The following NRXN3 variants were observed in gnomAD, a reference collection of about 807,000 sequenced individuals.
The protein encoded by NRXN3 is neurexin 3, also known as neurexin III.
Under a neutral mutation model 137.6 loss-of-function variants are expected in NRXN3, and 32 were observed. That is an observed-to-expected ratio of 0.23 (90% confidence interval 0.18 to 0.31). NRXN3 has a LOEUF of 0.31. NRXN3 is among the 10% of genes least tolerant of loss of function. NRXN3 has a pLI of 1.00. For missense variants in NRXN3, 1,574 were observed against 2,062.5 expected, an observed-to-expected ratio of 0.76 and a Z score of 4.59; for synonymous variants, 798 against 784.5, an observed-to-expected ratio of 1.02 and a Z score of -0.29.
chr14:79,649,294 G>C (rs2098464911), intron 16 of NRXN3, among the ~76,000 whole-genome samples: 1 of 152,118 alleles, frequency 6.6e-6, no homozygotes, highest in African/African-American at 2.4e-5. Flanking sequence ...CCAGGATCCG[G>C]GGTAAGTGCC....
chr14:78,402,377 T>C (rs1345314597), intron 4 of NRXN3, among the ~76,000 whole-genome samples: 2 of 152,242 alleles, frequency 1.3e-5, no homozygotes, highest in Non-Finnish European at 2.9e-5. Flanking sequence ...GGGTCTTTTA[T>C]TGAATATATA....
intron 15 of NRXN3, among the ~76,000 whole-genome samples, chr14:79,024,457 A>C (rs1042518624): frequency 2.6e-5 from 4 of 152,202 alleles, no homozygotes; most frequent in African/African-American, 9.6e-5. Context: ...TATCACATCC[A>C]CATATTCCAT....
chr14:78,855,552 TG>T (rs984905192), intron 10 of NRXN3, among the ~76,000 whole-genome samples: 4 of 152,256 alleles, frequency 2.6e-5, no homozygotes, highest in Admixed American at 2.6e-4. Flanking sequence ...TCTAAAAGGG[TG>T]GCATTTACTG....
intron 19 of NRXN3, among the ~76,000 whole-genome samples, chr14:79,769,738 A>G (rs1413196368): frequency 6.6e-6 from 1 of 152,158 alleles, no homozygotes; most frequent in African/African-American, 2.4e-5. Context: ...TAACCAGCTA[A>G]CATCATAACG....
chr14:78,518,892 G>T lies in NRXN3; in HGVS notation c.758-126228G>T, dbSNP rs115492179. On this transcript the variant is annotated intron_variant, in intron 4 of 20. Coordinates refer to ENST00000335750, the MANE Select transcript of NRXN3 (RefSeq NM_001330195.2). The stretch of plus-strand genomic sequence containing the variant: ...TGATGGGTTGTCCCATTTGATCACT[G>T]TGGATTTCCTCTCTGTGATATCTTC... 7.3e-3 allele frequency among the ~76,000 whole-genome samples: 1,115 copies of T among 151,958 alleles called. 20 individuals are homozygous for T. The highest frequency in any genetic ancestry group is 0.026 in the African/African-American group (1,069 of 41,436).
intron 16 of NRXN3, among the ~76,000 whole-genome samples, chr14:79,574,224 A>C (rs899814678): frequency 1.5e-4 from 23 of 149,034 alleles, no homozygotes; most frequent in African/African-American, 1.2e-4. Flanking sequence ...GCATGCACCC[A>C]CACACACACA....
chr14:79,283,211 C>T (rs1012241246), intron 15 of NRXN3, among the ~76,000 whole-genome samples: 2 of 152,230 alleles, frequency 1.3e-5, no homozygotes, highest in South Asian at 4.1e-4. Context: ...TTAAAGGCAG[C>T]ACTCTCTGTT....
intron 15 of NRXN3, among the ~76,000 whole-genome samples, chr14:79,337,117 T>G (rs915241222): frequency 1.3e-5 from 2 of 152,228 alleles, no homozygotes; most frequent in African/African-American, 4.8e-5. Flanking sequence ...GACTTAACTG[T>G]TCCCTATAGT....
intron 15 of NRXN3, among the ~76,000 whole-genome samples, chr14:79,050,369 A>G (rs1202081762): frequency 6.6e-6 from 1 of 152,202 alleles, no homozygotes; most frequent in Non-Finnish European, 1.5e-5. Context: ...CACACATCAA[A>G]TCAATGTCAG....
intron 4 of NRXN3, among the ~76,000 whole-genome samples, chr14:78,581,140 A>C (rs1413788816): frequency 1.3e-5 from 2 of 152,212 alleles, no homozygotes; most frequent in South Asian, 2.1e-4. Flanking sequence ...CTTGACCAAA[A>C]TCACAAGGCT....
At chr14:78,541,685 G>A (rs554938368) in intron 4 of NRXN3, among the ~76,000 whole-genome samples, 14 of 152,200 alleles carry the variant, frequency 9.2e-5, no homozygotes, top group Admixed American at 3.3e-4. Flanking sequence ...TCCTTTGGAG[G>A]AGAAGAGGCA....
At chr14:79,689,152 A>G (rs2098706671) in intron 17 of NRXN3, among the ~76,000 whole-genome samples, 1 of 152,134 alleles carries the variant, frequency 6.6e-6, no homozygotes, top group Non-Finnish European at 1.5e-5. Flanking sequence ...TATAGCCATC[A>G]CTTTCTGTTG....
chr14:78,279,423 G>A (rs1430692195), intron 3 of NRXN3: 1 of 152,202 alleles, frequency 6.6e-6, no homozygotes, highest in African/African-American at 2.4e-5. Context: ...GAATGGTTTG[G>A]AGACTATTCT....
intron 4 of NRXN3, among the ~76,000 whole-genome samples, chr14:78,603,530 G>A (rs1238312303): frequency 6.6e-6 from 1 of 152,156 alleles, no homozygotes; most frequent in Non-Finnish European, 1.5e-5. Context: ...AAGGACAGAA[G>A]ATGGATTAAT....
At chr14:79,787,483 T>C (rs1199469105) in intron 19 of NRXN3, among the ~76,000 whole-genome samples, 2 of 152,212 alleles carry the variant, frequency 1.3e-5, no homozygotes, top group East Asian at 3.9e-4. Context: ...TGCTGTGTAA[T>C]AGATCAGAAT....
At chr14:79,820,377 G>A (rs1346878622) in intron 20 of NRXN3, among the ~76,000 whole-genome samples, 1 of 152,126 alleles carries the variant, frequency 6.6e-6, no homozygotes, top group Non-Finnish European at 1.5e-5. Context: ...ATGTCCTGAG[G>A]TGAATAACGT....
At chr14:79,622,536 G>T (rs2098235434) in intron 16 of NRXN3, among the ~76,000 whole-genome samples, 2 of 152,084 alleles carry the variant, frequency 1.3e-5, no homozygotes, top group Non-Finnish European at 1.5e-5. Flanking sequence ...CACAGGATCT[G>T]GGATTTAGTG....
chr14:79,120,586 A>C (rs1304828547), intron 15 of NRXN3, among the ~76,000 whole-genome samples: 1 of 152,090 alleles, frequency 6.6e-6, no homozygotes, highest in Non-Finnish European at 1.5e-5. Flanking sequence ...GAATATATTC[A>C]CCATGTGTAC....
At chr14:79,105,908 G>A (rs555745666) in intron 15 of NRXN3, among the ~76,000 whole-genome samples, 4 of 151,920 alleles carry the variant, frequency 2.6e-5, no homozygotes, top group Admixed American at 6.6e-5. Flanking sequence ...TTCTCTTATC[G>A]TTATGATTAT....
Sources: allele counts gnomAD v4.1 joint callset (sites outside exome capture counted in the v4.1 genomes callset), GRCh38; gene constraint gnomAD v4.1.1; transcripts MANE v1.5; gene names NCBI Gene and HGNC (gene_info 2026-07-23, HGNC 2026-07-21).